CDH13: variants seen among roughly 807,000 people sequenced by gnomAD.
The protein encoded by CDH13 is cadherin-13.
A neutral mutation model predicts 63.8 loss-of-function variants in CDH13; 24 were observed. The observed-to-expected ratio is 0.38, with a 90% CI of 0.27 to 0.53. The LOEUF is 0.53. CDH13 is among the 20% of genes least tolerant of loss of function. The pLI, the probability that CDH13 is intolerant of heterozygous loss-of-function variation, is 0.85. For missense variants in CDH13, 1,049 were observed against 903.1 expected (o/e 1.16, Z -2.07); for synonymous variants, 503 against 355.3 (o/e 1.42, Z -4.67).
intron 10 of CDH13, among the ~76,000 whole-genome samples, chr16:83,738,334 C>T (rs1911729397): frequency 6.6e-6 from 1 of 152,190 alleles, no homozygotes; most frequent in South Asian, 2.1e-4. Context: ...ACATTAAAAA[C>T]GTGTGTGTTT....
intron 7 of CDH13, among the ~76,000 whole-genome samples, chr16:83,548,193 A>C (rs1179871710): frequency 6.6e-6 from 1 of 152,094 alleles, no homozygotes; most frequent in Non-Finnish European, 1.5e-5. Context: ...AGGTAGACAG[A>C]TTGAGGTGAT....
At chr16:83,453,480 G>A (rs149966079) in intron 6 of CDH13, among the ~76,000 whole-genome samples, 149 of 152,164 alleles carry the variant, frequency 9.8e-4, no homozygotes, top group African/African-American at 3.2e-3. Context: ...TATTTAAAAA[G>A]CACTTAGCAT....
chr16:83,171,442 C>T, intron 4 of CDH13: 1 of 1,223,434 alleles, frequency 8.2e-7, no homozygotes, highest in Non-Finnish European at 1.2e-6. Flanking sequence ...GACACAGATC[C>T]AAACCATATC....
At chr16:83,230,505 G>A in intron 5 of CDH13, among the ~76,000 whole-genome samples, 1 of 152,182 alleles carries the variant, frequency 6.6e-6, no homozygotes, top group East Asian at 1.9e-4. Flanking sequence ...AGCTGTCCCA[G>A]GCCGGCACGG....
chr16:83,219,317 T>A (rs201827712), intron 5 of CDH13, among the ~76,000 whole-genome samples: 1 of 141,978 alleles, frequency 7.0e-6, no homozygotes, highest in African/African-American at 2.6e-5. Context: ...CCATACTTTT[T>A]AAAAACTGAG....
At chr16:83,405,042 C>T (rs998756053) in intron 6 of CDH13, among the ~76,000 whole-genome samples, 1 of 151,312 alleles carries the variant, frequency 6.6e-6, no homozygotes, top group African/African-American at 2.4e-5. Context: ...GTAGAAGATG[C>T]AGATGATAAA....
At chr16:82,775,712 G>A (rs193068550) in intron 1 of CDH13, among the ~76,000 whole-genome samples, 6 of 152,234 alleles carry the variant, frequency 3.9e-5, no homozygotes, top group East Asian at 3.9e-4. Flanking sequence ...ATCTTAATAC[G>A]CATTACAGCC....
At chr16:83,182,692 T>C (rs12596088) in intron 4 of CDH13, among the ~76,000 whole-genome samples, 6,968 of 152,326 alleles carry the variant, frequency 0.046, 226 homozygotes, top group East Asian at 0.1. Flanking sequence ...AGTACTTTAC[T>C]TGTATTTTCT....
At chr16:82,743,439 G>A (rs867982224) in intron 1 of CDH13, among the ~76,000 whole-genome samples, 21 of 152,206 alleles carry the variant, frequency 1.4e-4, no homozygotes, top group Non-Finnish European at 1.3e-4. Flanking sequence ...GTATTGCCCA[G>A]GATAGTCTCA....
At chr16:83,754,652 A>C (rs925937207) in intron 11 of CDH13, among the ~76,000 whole-genome samples, 1 of 152,164 alleles carries the variant, frequency 6.6e-6, no homozygotes, top group Non-Finnish European at 1.5e-5. Flanking sequence ...TGGTTTTATC[A>C]GGGGTTTCCA....
chr16:83,232,086 C>T (rs947840932), intron 5 of CDH13, among the ~76,000 whole-genome samples: 3 of 151,922 alleles, frequency 2.0e-5, no homozygotes, highest in African/African-American at 7.3e-5. Context: ...GATCAGGAAA[C>T]ATAACTAATG....
chr16:83,320,784 C>T (rs545581672), intron 5 of CDH13, among the ~76,000 whole-genome samples: 18 of 152,266 alleles, frequency 1.2e-4, no homozygotes, highest in Admixed American at 5.9e-4. Context: ...CACACATCAC[C>T]GTCAGCCAAC....
intron 4 of CDH13, among the ~76,000 whole-genome samples, chr16:83,191,327 T>C (rs1249605554): frequency 2.0e-5 from 3 of 147,678 alleles, no homozygotes; most frequent in Non-Finnish European, 3.0e-5. Context: ...ATGGTCAACA[T>C]TGTTAACTTT....
At chr16:83,074,058 C>T (rs56320355) in intron 3 of CDH13, among the ~76,000 whole-genome samples, 9 of 152,050 alleles carry the variant, frequency 5.9e-5, no homozygotes, top group African/African-American at 9.7e-5. Context: ...CTGTAGTCAC[C>T]GTACTTTACT....
Position 83,064,091 on chromosome 16 carries a change from C to T in CDH13, c.366+31873C>T, listed in dbSNP as rs74030384. On this transcript the variant is annotated intron_variant, in intron 3 of 13. Coordinates refer to ENST00000567109, the MANE Select transcript of CDH13 (RefSeq NM_001257.5). ...TTATCAATATAAAGTTAGATGAGGG[C>T]CAGGTGCGGTGGCTCATGCCTGTAA... Among the ~76,000 whole-genome samples, 939 of 152,240 alleles carry T rather than the reference C, an allele frequency of 6.2e-3. 14 individuals are homozygous for T. Among genetic ancestry groups the T allele is most frequent in the African/African-American group, 0.022 (898 of 41,526 alleles).
intron 2 of CDH13, among the ~76,000 whole-genome samples, chr16:82,998,486 C>T (rs1269937250): frequency 6.6e-6 from 1 of 152,116 alleles, no homozygotes; most frequent in Non-Finnish European, 1.5e-5. Context: ...GATAATAAAG[C>T]ATGATGATAA....
chr16:83,115,672 C>T (rs2035259501), intron 3 of CDH13, among the ~76,000 whole-genome samples: 1 of 152,226 alleles, frequency 6.6e-6, no homozygotes, highest in African/African-American at 2.4e-5. Context: ...CCCTTAATTC[C>T]CTGCCTGCCT....
chr16:82,770,280 C>T (rs1186227177), intron 1 of CDH13, among the ~76,000 whole-genome samples: 2 of 152,252 alleles, frequency 1.3e-5, no homozygotes, highest in Non-Finnish European at 2.9e-5. Flanking sequence ...GCACATTGCA[C>T]TGTTGTTACC....
chr16:83,194,820 G>A (rs928167117), intron 4 of CDH13, among the ~76,000 whole-genome samples: 2 of 152,086 alleles, frequency 1.3e-5, no homozygotes, highest in Admixed American at 1.3e-4. Flanking sequence ...GCCAGGCCTG[G>A]GTGGCTATTA....
Sources: gnomAD v4.1 joint callset for allele counts (sites outside exome capture counted in the v4.1 genomes callset) on GRCh38, gnomAD v4.1.1 for gene constraint, MANE v1.5 for transcripts, NCBI Gene and HGNC (gene_info 2026-07-23, HGNC 2026-07-21) for gene names.